Variants in ZNF804B observed in about 807,000 individuals in gnomAD.
ZNF804B encodes zinc finger protein 804B.
Under a neutral mutation model 101.4 loss-of-function variants are expected in ZNF804B, and 80 were observed. The ratio of observed to expected loss-of-function variants is 0.79; its 90% CI spans 0.66 to 0.95. The LOEUF is 0.95. Ranked by LOEUF, ZNF804B falls within the 40% of genes least tolerant of loss-of-function variation. The probability of loss-of-function intolerance (pLI) is 0.00; values close to 1 mark genes in which losing one functional copy is unlikely to be tolerated. For missense variants in ZNF804B, 1,673 were observed against 1,561.9 expected, an observed-to-expected ratio of 1.07 and a Z score of -1.20; for synonymous variants, 622 against 558.8, an observed-to-expected ratio of 1.11 and a Z score of -1.59.
chr7:89,296,354 T>C (rs10248925), intron 2 of ZNF804B, among the ~76,000 whole-genome samples: 74,376 of 151,716 alleles, frequency 0.49, 18,708 homozygotes, highest in Middle Eastern at 0.65. Flanking sequence ...TATTTTCATA[T>C]AATTTTTGGT....
chr7:89,119,595 T>C (rs908016913), intron 1 of ZNF804B, among the ~76,000 whole-genome samples: 9 of 152,220 alleles, frequency 5.9e-5, no homozygotes, highest in African/African-American at 2.2e-4. Flanking sequence ...TATGCTTTTG[T>C]ATGTCTTTTC....
intron 1 of ZNF804B, among the ~76,000 whole-genome samples, chr7:89,177,940 A>G (rs921962284): frequency 1.3e-5 from 2 of 151,932 alleles, no homozygotes; most frequent in African/African-American, 4.8e-5. Flanking sequence ...GTCTCAAAAA[A>G]AAAAAAGAAC....
intron 1 of ZNF804B, among the ~76,000 whole-genome samples, chr7:89,078,832 C>A (rs1395934635): frequency 6.6e-6 from 1 of 151,784 alleles, no homozygotes; most frequent in African/African-American, 2.4e-5. Context: ...TTTCTTCCAC[C>A]ATTTACTCAA....
intron 1 of ZNF804B, among the ~76,000 whole-genome samples, chr7:88,874,078 G>T (rs995582818): frequency 6.6e-5 from 10 of 152,280 alleles, no homozygotes; most frequent in Admixed American, 5.9e-4. Context: ...CCATTTTCAT[G>T]ATGTTGATTC....
intron 1 of ZNF804B, among the ~76,000 whole-genome samples, chr7:89,169,567 T>C (rs1029394955): frequency 4.6e-5 from 7 of 152,252 alleles, no homozygotes; most frequent in Non-Finnish European, 1.0e-4. Flanking sequence ...TAGTCCTGTC[T>C]CTCAATAGGA....
chr7:89,036,408 G>A (rs1021608504), intron 1 of ZNF804B, among the ~76,000 whole-genome samples: 1 of 151,810 alleles, frequency 6.6e-6, no homozygotes, highest in Non-Finnish European at 1.5e-5. Context: ...ATTAATATTA[G>A]TATTATGGTA....
intron 2 of ZNF804B, among the ~76,000 whole-genome samples, chr7:89,282,370 A>G (rs1490033428): frequency 6.6e-6 from 1 of 152,156 alleles, no homozygotes; most frequent in East Asian, 1.9e-4. Context: ...TTACTACCTA[A>G]GACATGATTT....
chr7:89,138,210 CG>C (rs1053273501), intron 1 of ZNF804B, among the ~76,000 whole-genome samples: 2 of 152,148 alleles, frequency 1.3e-5, no homozygotes, highest in African/African-American at 4.8e-5. Context: ...TCAGAGCCCC[CG>C]CACACAGAGT....
intron 1 of ZNF804B, among the ~76,000 whole-genome samples, chr7:88,942,879 C>A (rs1270429100): frequency 6.6e-6 from 1 of 151,766 alleles, no homozygotes; most frequent in Non-Finnish European, 1.5e-5. Flanking sequence ...ATATAGCAGA[C>A]CTCATTTATA....
At chr7:88,794,147 C>T in intron 1 of ZNF804B, 1 of 1,546,570 alleles carries the variant, frequency 6.5e-7, no homozygotes, top group Non-Finnish European at 8.7e-7. Flanking sequence ...GCACAAACTC[C>T]TTAAGAGACA....
rs75737070 is a variant in ZNF804B at position 89,139,057 on chromosome 7, G to T, written c.109-79098G>T. Among the ~76,000 whole-genome samples, 297 of 152,106 alleles carry T rather than the reference G, an allele frequency of 2.0e-3. 10 individuals carry two copies. The East Asian group carries it at 0.05, about 25-fold the overall frequency. On this transcript the variant is annotated intron_variant, in intron 1 of 3. Coordinates refer to ENST00000333190, the MANE Select transcript of ZNF804B (RefSeq NM_181646.5). ...TATACAGGCATACCTCAGAGATATT[G>T]CAGGTTTTGCTCCAGACCACTACAA... is the stretch of plus-strand genomic sequence containing the variant.
At chr7:89,063,893 C>A (rs1179838134) in intron 1 of ZNF804B, among the ~76,000 whole-genome samples, 3 of 152,214 alleles carry the variant, frequency 2.0e-5, no homozygotes, top group South Asian at 2.1e-4. Context: ...AGAAATCAGA[C>A]AAAGTGCCCT....
At chr7:88,865,501 C>T (rs1033447039) in intron 1 of ZNF804B, among the ~76,000 whole-genome samples, 1 of 152,140 alleles carries the variant, frequency 6.6e-6, no homozygotes, top group Non-Finnish European at 1.5e-5. Context: ...CACTGTACTC[C>T]ATCCTGGGTG....
intron 1 of ZNF804B, among the ~76,000 whole-genome samples, chr7:89,105,450 C>G (rs73393211): frequency 0.022 from 3,352 of 152,044 alleles, 150 homozygotes; most frequent in African/African-American, 0.076. Context: ...GACCACATGG[C>G]CACCCAGGAA....
chr7:89,056,013 T>A (rs1789286266), intron 1 of ZNF804B, among the ~76,000 whole-genome samples: 1 of 152,110 alleles, frequency 6.6e-6, no homozygotes, highest in African/African-American at 2.4e-5. Flanking sequence ...AAAGAAGCTT[T>A]CTTGGTCAGA....
chr7:88,913,203 A>T (rs1422388250), intron 1 of ZNF804B, among the ~76,000 whole-genome samples: 2 of 152,216 alleles, frequency 1.3e-5, no homozygotes, highest in African/African-American at 2.4e-5. Context: ...GATTCCTACC[A>T]GTTAAGACAG....
chr7:89,327,828 G>A (rs954199636), intron 3 of ZNF804B, among the ~76,000 whole-genome samples: 2 of 151,642 alleles, frequency 1.3e-5, no homozygotes, highest in Non-Finnish European at 2.9e-5. Context: ...TTAGGGGGTG[G>A]GGAATAAGTC....
At chr7:89,120,589 C>T (rs1359093752) in intron 1 of ZNF804B, among the ~76,000 whole-genome samples, 4 of 136,872 alleles carry the variant, frequency 2.9e-5, no homozygotes, top group Non-Finnish European at 6.0e-5. Flanking sequence ...ACCCGGGAGG[C>T]GGAGCTTGCA....
At chr7:88,781,282 T>C (rs1240816898) in intron 1 of ZNF804B, among the ~76,000 whole-genome samples, 1 of 152,216 alleles carries the variant, frequency 6.6e-6, no homozygotes, top group East Asian at 1.9e-4. Flanking sequence ...GAATTGGCAT[T>C]CAAGCGTTTA....
Sources: gnomAD v4.1 joint callset for allele counts (sites outside exome capture counted in the v4.1 genomes callset) on GRCh38, gnomAD v4.1.1 for gene constraint, MANE v1.5 for transcripts, NCBI Gene and HGNC (gene_info 2026-07-23, HGNC 2026-07-21) for gene names.